PKIB: variants seen among roughly 807,000 people sequenced by gnomAD.
PKIB encodes PKI-beta.
PKIB carries 2 observed loss-of-function variants against 4.5 expected under a neutral mutation model. The ratio of observed to expected loss-of-function variants is 0.44; its 90% CI spans 0.18 to 1.39. The LOEUF is 1.39. Ranked by LOEUF, PKIB falls within the 40% of genes most tolerant of loss-of-function variation. The pLI, the probability that PKIB is intolerant of heterozygous loss-of-function variation, is 0.27. For synonymous variants in PKIB, 38 were observed against 36.0 expected, an observed-to-expected ratio of 1.06 and a Z score of -0.20; for missense variants, 94 against 92.6, an observed-to-expected ratio of 1.02 and a Z score of -0.06.
chr6:122,495,117 G>A (rs1462797946), intron 2 of PKIB, among the ~76,000 whole-genome samples: 1 of 152,204 alleles, frequency 6.6e-6, no homozygotes, highest in Non-Finnish European at 1.5e-5. Context: ...CAGTGGCCCT[G>A]CCCCCAATCC....
chr6:122,670,441 A>G (rs1777412609), intron 2 of PKIB, among the ~76,000 whole-genome samples: 1 of 151,992 alleles, frequency 6.6e-6, no homozygotes. Flanking sequence ...TGGATTTGCT[A>G]TTTGCTTACT....
intron 2 of PKIB, among the ~76,000 whole-genome samples, chr6:122,581,330 G>A (rs953564888): frequency 9.2e-5 from 14 of 152,064 alleles, no homozygotes; most frequent in African/African-American, 2.4e-4. Flanking sequence ...CAGTCATCTC[G>A]AAGTTGTTTT....
Position 122,615,753 on chromosome 6 carries a change from A to G in PKIB, c.-161+5218A>G, listed in dbSNP as rs185494930. Among the ~76,000 whole-genome samples, 6 of 152,256 alleles carry G rather than the reference A, an allele frequency of 3.9e-5. No individual in the cohort carries two copies. In the East Asian group the frequency reaches 5.8e-4, roughly 15 times the overall value. ...CACATAGAGGGTAGACAACATGACA[A>G]TGCTGGGGGAGATTGAAGTTATGAA... On this transcript the variant is annotated intron_variant, in intron 1 of 4. Coordinates refer to ENST00000368452, the MANE Select transcript of PKIB (RefSeq NM_181795.3).
chr6:122,718,422 G>C (rs1051783712), intron 4 of PKIB, among the ~76,000 whole-genome samples: 18 of 152,250 alleles, frequency 1.2e-4, no homozygotes, highest in Non-Finnish European at 1.8e-4. Context: ...AAGTAGAGAT[G>C]AGATTCTTTC....
chr6:122,582,050 C>T (rs889740665), intron 2 of PKIB, among the ~76,000 whole-genome samples: 4 of 151,920 alleles, frequency 2.6e-5, no homozygotes, highest in East Asian at 1.9e-4. Flanking sequence ...AGCCATATAA[C>T]GTGATGTACA....
chr6:122,516,364 C>A (rs1435253407), intron 2 of PKIB, among the ~76,000 whole-genome samples: 2 of 152,142 alleles, frequency 1.3e-5, no homozygotes, highest in African/African-American at 4.8e-5. Flanking sequence ...AAAGGTAAAT[C>A]AAAGAGTTGG....
intron 2 of PKIB, among the ~76,000 whole-genome samples, chr6:122,643,215 T>C (rs1017114527): frequency 2.0e-5 from 3 of 152,192 alleles, no homozygotes; most frequent in African/African-American, 7.2e-5. Context: ...GAAAGCTTTC[T>C]ATTTCTTACC....
chr6:122,711,896 C>T (rs1328611309), intron 3 of PKIB, among the ~76,000 whole-genome samples: 1 of 152,058 alleles, frequency 6.6e-6, no homozygotes, highest in Non-Finnish European at 1.5e-5. Flanking sequence ...ATTGAAGGAT[C>T]TGTCTATGCA....
chr6:122,717,685 C>T lies in PKIB; in HGVS notation c.-8-102C>T, dbSNP rs1779553989. 2.7e-6 allele frequency: 3 copies of T among 1,127,470 alleles called. No homozygotes were observed. In the South Asian group the frequency reaches 4.3e-5, roughly 16 times the overall value. 69.8% of individuals were successfully genotyped at this position (1,127,470 alleles called of 1,614,324 possible). A position where few individuals can be genotyped will look rare whatever the true frequency, so the allele number is the denominator to read the frequency against. ...AGGTTGTGATCAATGATTAGACTCT[C>T]AAGCCTGTTGTGTTTTTGATCTAGC... On this transcript the variant is annotated intron_variant, in intron 3 of 4. Coordinates refer to ENST00000368452, the MANE Select transcript of PKIB (RefSeq NM_181795.3).
intron 2 of PKIB, among the ~76,000 whole-genome samples, chr6:122,495,384 A>G (rs959542501): frequency 3.3e-5 from 5 of 152,002 alleles, no homozygotes; most frequent in African/African-American, 1.2e-4. Flanking sequence ...GCCCTTCTGA[A>G]AGCCCAACCC....
intron 3 of PKIB, among the ~76,000 whole-genome samples, chr6:122,698,620 G>A (rs976535054): frequency 1.3e-5 from 2 of 152,172 alleles, no homozygotes; most frequent in Non-Finnish European, 2.9e-5. Context: ...GACTCCAGGA[G>A]GCATGAGATG....
intron 1 of PKIB, among the ~76,000 whole-genome samples, chr6:122,613,387 A>G (rs1346673073): frequency 6.6e-6 from 1 of 152,182 alleles, no homozygotes. Flanking sequence ...AATAATAATT[A>G]AGCATATTCT....
intron 2 of PKIB, among the ~76,000 whole-genome samples, chr6:122,656,881 G>T (rs1776795346): frequency 6.6e-6 from 1 of 152,122 alleles, no homozygotes; most frequent in Non-Finnish European, 1.5e-5. Context: ...GGCTGTCTCT[G>T]TCTCCTCATC....
At chr6:122,606,142 A>G (rs985971500), upstream of PKIB, among the ~76,000 whole-genome samples, 2 of 152,218 alleles carry the variant, frequency 1.3e-5, no homozygotes, top group African/African-American at 4.8e-5. Context: ...ATCCAATGAC[A>G]AATGTCCTTA....
chr6:122,661,359 A>G (rs894721827), intron 2 of PKIB, among the ~76,000 whole-genome samples: 1 of 152,098 alleles, frequency 6.6e-6, no homozygotes, highest in African/African-American at 2.4e-5. Context: ...TATTTCCCCC[A>G]AAGCCTAGGG....
intron 2 of PKIB, among the ~76,000 whole-genome samples, chr6:122,580,559 AC>A (rs1465383138): frequency 6.6e-6 from 1 of 152,138 alleles, no homozygotes; most frequent in Non-Finnish European, 1.5e-5. Context: ...TTGTTTGCCT[AC>A]ATAGGGTTTG....
intron 1 of PKIB, among the ~76,000 whole-genome samples, chr6:122,615,815 C>T (rs923677510): frequency 2.6e-5 from 4 of 152,116 alleles, no homozygotes; most frequent in African/African-American, 9.7e-5. Context: ...TGCTGGCAAC[C>T]ACTAGAAGCT....
At chr6:122,577,813 G>T (rs1773591330) in intron 2 of PKIB, among the ~76,000 whole-genome samples, 1 of 151,626 alleles carries the variant, frequency 6.6e-6, no homozygotes, top group South Asian at 2.1e-4. Flanking sequence ...GGAGGCTGAG[G>T]CAGGAGAATG....
chr6:122,655,960 A>C (rs1776761873), intron 2 of PKIB, among the ~76,000 whole-genome samples: 1 of 152,114 alleles, frequency 6.6e-6, no homozygotes, highest in Non-Finnish European at 1.5e-5. Context: ...GAAATTGTAA[A>C]AATTGAGCTC....
Sources: allele counts gnomAD v4.1 joint callset (sites outside exome capture counted in the v4.1 genomes callset), GRCh38; gene constraint gnomAD v4.1.1; transcripts MANE v1.5; gene names NCBI Gene and HGNC (gene_info 2026-07-23, HGNC 2026-07-21).